The following GALNTL6 variants were observed in gnomAD, a reference collection of about 807,000 sequenced individuals.
GALNTL6 encodes the protein polypeptide N-acetylgalactosaminyltransferase-like 6.
GALNTL6 carries 46 observed loss-of-function variants against 73.7 expected under a neutral mutation model. That is an observed-to-expected ratio of 0.62 (90% CI 0.49 to 0.80). The LOEUF (loss-of-function observed/expected upper bound fraction) is 0.80. Among genes scored for constraint, GALNTL6 ranks in the 30% least tolerant of loss-of-function variants. The pLI, the probability that GALNTL6 is intolerant of heterozygous loss-of-function variation, is 0.00. For synonymous variants in GALNTL6, 259 were observed against 263.7 expected (o/e 0.98, Z 0.17); for missense variants, 604 against 755.0 (o/e 0.80, Z 2.34).
intron 2 of GALNTL6, among the ~76,000 whole-genome samples, chr4:171,833,071 T>A (rs1295707265): frequency 6.6e-6 from 1 of 151,762 alleles, no homozygotes; most frequent in Non-Finnish European, 1.5e-5. Context: ...AAGGCCTGTT[T>A]CACGTGTGGC....
At chr4:172,285,754 C>G (rs12649703) in intron 3 of GALNTL6, among the ~76,000 whole-genome samples, 1 of 152,180 alleles carries the variant, frequency 6.6e-6, no homozygotes. Flanking sequence ...CTGTACAAAT[C>G]TATTCCTTTT....
chr4:171,868,462 C>G (rs1484104414), intron 2 of GALNTL6, among the ~76,000 whole-genome samples: 3 of 152,180 alleles, frequency 2.0e-5, no homozygotes, highest in Admixed American at 2.0e-4. Flanking sequence ...TTCTCTTCTC[C>G]TGACCCTGAA....
rs1171257060 is a variant in GALNTL6, at chr4:172,809,160, G to A, written c.554-201G>A. Among the ~76,000 whole-genome samples, 1 of 152,100 alleles carries A rather than the reference G, an allele frequency of 6.6e-6. No homozygotes were observed. Among genetic ancestry groups the A allele is most frequent in the African/African-American group, 2.4e-5 (1 of 41,416 alleles). On this transcript the variant is annotated intron_variant, in intron 5 of 12. Transcript: ENST00000506823. This position sits in a 1 kb window ranked among gnomAD's most constrained non-coding sequence, Gnocchi z 4.4. ...GTCAGTGACTTTTGTGTTCAAAAAA[G>A]GGCAATATTTGCAGTTTACAAAGCA...
intron 3 of GALNTL6, among the ~76,000 whole-genome samples, chr4:172,231,919 G>A (rs1318257965): frequency 1.3e-5 from 2 of 151,820 alleles, no homozygotes; most frequent in African/African-American, 4.8e-5. Context: ...TATGACCAAG[G>A]GAAAATTGAT....
chr4:172,674,852 A>G (rs1019256277), intron 5 of GALNTL6, among the ~76,000 whole-genome samples: 5 of 152,096 alleles, frequency 3.3e-5, no homozygotes, highest in South Asian at 2.1e-4. Context: ...TGTACTGTCT[A>G]TCTTGTCTGT....
At chr4:172,556,248 AC>A (rs1736137712) in intron 5 of GALNTL6, among the ~76,000 whole-genome samples, 1 of 152,034 alleles carries the variant, frequency 6.6e-6, no homozygotes, top group Admixed American at 6.5e-5. Context: ...TTGTGAATGT[AC>A]CTTTTTCCTT....
intron 5 of GALNTL6, among the ~76,000 whole-genome samples, chr4:172,523,695 T>C (rs1489894538): frequency 6.6e-6 from 1 of 152,108 alleles, no homozygotes; most frequent in Non-Finnish European, 1.5e-5. Context: ...CTTTTTCTCA[T>C]TGATTTTTAA....
chr4:172,517,818 C>T (rs1409386093), intron 5 of GALNTL6, among the ~76,000 whole-genome samples: 5 of 151,944 alleles, frequency 3.3e-5, no homozygotes, highest in Non-Finnish European at 7.4e-5. Flanking sequence ...TTTTTATTAA[C>T]AATACAATCA....
intron 5 of GALNTL6, among the ~76,000 whole-genome samples, chr4:172,640,466 A>G (rs1271200831): frequency 2.0e-5 from 3 of 152,120 alleles, no homozygotes; most frequent in Non-Finnish European, 4.4e-5. Context: ...ACAAAATACC[A>G]TAGACTAGAT....
chr4:172,692,135 T>C (rs1733345510), intron 5 of GALNTL6, among the ~76,000 whole-genome samples: 1 of 152,120 alleles, frequency 6.6e-6, no homozygotes, highest in Non-Finnish European at 1.5e-5. Context: ...TATTTAACTT[T>C]CAAATAATCA....
intron 2 of GALNTL6, among the ~76,000 whole-genome samples, chr4:172,023,993 A>C (rs1335879434): frequency 6.6e-6 from 1 of 151,806 alleles, no homozygotes; most frequent in Non-Finnish European, 1.5e-5. Flanking sequence ...TCATTCATTT[A>C]AAAAATATAT....
chr4:172,194,267 G>A (rs1420792214), intron 2 of GALNTL6, among the ~76,000 whole-genome samples: 1 of 152,108 alleles, frequency 6.6e-6, no homozygotes. Flanking sequence ...GCTGAAATAA[G>A]ACTAGCAGAC....
At chr4:172,677,533 G>T (rs528167525) in intron 5 of GALNTL6, among the ~76,000 whole-genome samples, 24 of 152,282 alleles carry the variant, frequency 1.6e-4, no homozygotes, top group African/African-American at 5.5e-4. Flanking sequence ...CTAGTCTTAA[G>T]GAGTTTGTGG....
At chr4:172,208,973 A>C (rs112882533) in intron 2 of GALNTL6, among the ~76,000 whole-genome samples, 1 of 152,174 alleles carries the variant, frequency 6.6e-6, no homozygotes, top group African/African-American at 2.4e-5. Context: ...ATTGCACAAA[A>C]TACATGAGAA....
chr4:172,269,572 C>T (rs1272233207), intron 3 of GALNTL6, among the ~76,000 whole-genome samples: 1 of 152,020 alleles, frequency 6.6e-6, no homozygotes, highest in Non-Finnish European at 1.5e-5. Flanking sequence ...CAGAGTTTAT[C>T]CAGAAGATAC....
At position 172,607,925 on chromosome 4, in the gene GALNTL6, C is replaced by T. The variant is rs55935835; in HGVS notation, c.554-201436C>T. On this transcript the variant is annotated intron_variant, in intron 5 of 12. Coordinates refer to ENST00000506823, the MANE Select transcript of GALNTL6 (RefSeq NM_001034845.3). ...GAAAAGTGAGTGTCTATGTCTTTCC[C>T]CACTTTATAATGGTGTCATTTGTTC... Among the ~76,000 whole-genome samples, 1,309 of 152,092 alleles carry T rather than the reference C, an allele frequency of 8.6e-3. 16 individuals are homozygous for T. The highest frequency in any genetic ancestry group is 0.026 in the African/African-American group (1,098 of 41,492).
chr4:172,960,162 C>A (rs1007454090), intron 10 of GALNTL6, among the ~76,000 whole-genome samples: 1 of 152,124 alleles, frequency 6.6e-6, no homozygotes, highest in Non-Finnish European at 1.5e-5. Flanking sequence ...GGCTGTAAAG[C>A]GTCTCAGGGT....
At chr4:172,583,326 G>A (rs576708724) in intron 5 of GALNTL6, among the ~76,000 whole-genome samples, 63 of 152,214 alleles carry the variant, frequency 4.1e-4, no homozygotes, top group African/African-American at 1.4e-3. Flanking sequence ...TAGTAATACT[G>A]TATATTTCCC....
At chr4:172,495,703 G>A (rs959593180) in intron 5 of GALNTL6, among the ~76,000 whole-genome samples, 4 of 151,554 alleles carry the variant, frequency 2.6e-5, no homozygotes, top group Non-Finnish European at 5.9e-5. Flanking sequence ...ATGTGTAGAT[G>A]GGAGTCTAAT....
Sources: allele counts gnomAD v4.1 joint callset (sites outside exome capture counted in the v4.1 genomes callset), GRCh38; gene constraint gnomAD v4.1.1; non-coding constraint Gnocchi (gnomAD v3.1); transcripts MANE v1.5; gene names NCBI Gene and HGNC (gene_info 2026-07-23, HGNC 2026-07-21).